Variants in PCDH7 observed in about 807,000 individuals in gnomAD.
The protein encoded by PCDH7 is protocadherin-7.
PCDH7 carries 17 observed loss-of-function variants against 58.9 expected under a neutral mutation model. The ratio of observed to expected loss-of-function variants is 0.29; its 90% CI spans 0.20 to 0.43. PCDH7 has a LOEUF of 0.43. Ranked by LOEUF, PCDH7 falls within the 20% of genes least tolerant of loss-of-function variation. PCDH7 has a pLI of 1.00. For missense variants in PCDH7, 1,274 were observed against 1,441.0 expected (o/e 0.88, Z 1.88); for synonymous variants, 664 against 616.4 (o/e 1.08, Z -1.14).
intron 3 of PCDH7, among the ~76,000 whole-genome samples, chr4:31,098,063 C>T (rs1441422414): frequency 6.6e-6 from 1 of 152,150 alleles, no homozygotes; most frequent in Non-Finnish European, 1.5e-5. Context: ...CCTTCGTATA[C>T]TTCTGTTTAG....
intron 3 of PCDH7, among the ~76,000 whole-genome samples, chr4:30,956,901 A>G (rs533225852): frequency 1.1e-4 from 16 of 152,206 alleles, no homozygotes; most frequent in South Asian, 2.1e-4. Context: ...AAAATTTTGT[A>G]TAGAAGAAAC....
At chr4:30,831,904 G>A (rs1729841353) in intron 1 of PCDH7, among the ~76,000 whole-genome samples, 1 of 151,976 alleles carries the variant, frequency 6.6e-6, no homozygotes, top group Non-Finnish European at 1.5e-5. Context: ...TATTAAAGTA[G>A]CATGAATGAT....
chr4:30,919,421 T>A (rs1742899471), intron 1 of PCDH7, among the ~76,000 whole-genome samples: 1 of 152,270 alleles, frequency 6.6e-6, no homozygotes, highest in South Asian at 2.1e-4. Context: ...TTCATAAAAT[T>A]TTTTAAAAAC....
At chr4:30,985,331 T>C (rs1214463000) in intron 3 of PCDH7, among the ~76,000 whole-genome samples, 5 of 152,202 alleles carry the variant, frequency 3.3e-5, no homozygotes. Context: ...ATTTATTAGA[T>C]TTATATTTTG....
At chr4:30,890,192 T>G (rs1224653941) in intron 1 of PCDH7, among the ~76,000 whole-genome samples, 1 of 152,106 alleles carries the variant, frequency 6.6e-6, no homozygotes, top group African/African-American at 2.4e-5. Context: ...TGACCAGTAT[T>G]TATAGGTATC....
intron 3 of PCDH7, among the ~76,000 whole-genome samples, chr4:31,084,143 C>G (rs974310031): frequency 6.6e-6 from 1 of 152,104 alleles, no homozygotes; most frequent in Non-Finnish European, 1.5e-5. Flanking sequence ...TCAGATGTAA[C>G]TATATTTAGA....
At chr4:30,762,513 C>G (rs1720159783) in intron 1 of PCDH7, among the ~76,000 whole-genome samples, 1 of 150,000 alleles carries the variant, frequency 6.7e-6, no homozygotes, top group African/African-American at 2.5e-5. Context: ...GATATGAAAT[C>G]TTCATTTATT....
chr4:30,773,447 A>G (rs1200378792), intron 1 of PCDH7, among the ~76,000 whole-genome samples: 1 of 152,012 alleles, frequency 6.6e-6, no homozygotes, highest in Admixed American at 6.6e-5. Flanking sequence ...TCATAATCAT[A>G]CATTGTGTTT....
At chr4:31,078,639 A>ATTTTTTTTTTTTTTT (rs10709152) in intron 3 of PCDH7, among the ~76,000 whole-genome samples, 1 of 73,564 alleles carries the variant, frequency 1.4e-5, no homozygotes, top group African/African-American at 5.2e-5. Context: ...ACCATGCCCC[A>ATTTTTTTTTTTTTTT]TTTTTTTTTT....
At chr4:31,118,994 A>C (rs1717329128) in intron 3 of PCDH7, among the ~76,000 whole-genome samples, 2 of 152,150 alleles carry the variant, frequency 1.3e-5, no homozygotes, top group Non-Finnish European at 2.9e-5. Flanking sequence ...ATAATGTAAA[A>C]TGTGCAAGTC....
In PCDH7 at chr4:30,745,042, T is replaced by C. The variant is rs566298051; in HGVS notation, c.70+20446T>C. ...GAACTTTTGCCATCATCGAGGAGAT[T>C]GAAAATAGAGGGACAGATGCTGTGA... On this transcript the variant is annotated intron_variant, in intron 1 of 3. Coordinates refer to the PCDH7 transcript ENST00000509759. 5.9e-5 allele frequency among the ~76,000 whole-genome samples: 9 copies of C among 152,260 alleles called. No homozygotes were observed. In the East Asian group the frequency reaches 1.5e-3, roughly 26 times the overall value.
intron 2 of PCDH7, among the ~76,000 whole-genome samples, chr4:30,940,059 C>A (rs773491617): frequency 6.6e-6 from 1 of 150,842 alleles, no homozygotes; most frequent in Admixed American, 6.6e-5. Context: ...TCAATGATTA[C>A]CCCAGATTGA....
chr4:31,127,145 G>C (rs1463257455), intron 3 of PCDH7, among the ~76,000 whole-genome samples: 1 of 152,146 alleles, frequency 6.6e-6, no homozygotes, highest in Non-Finnish European at 1.5e-5. Flanking sequence ...ACGAATAGTT[G>C]ATCATCACTG....
chr4:30,931,159 T>C (rs1379116385), intron 2 of PCDH7, among the ~76,000 whole-genome samples: 1 of 152,054 alleles, frequency 6.6e-6, no homozygotes, highest in Non-Finnish European at 1.5e-5. Context: ...TTACCACCCC[T>C]TTTCCCCACT....
At chr4:30,939,523 A>G (rs1745771040) in intron 2 of PCDH7, among the ~76,000 whole-genome samples, 1 of 152,174 alleles carries the variant, frequency 6.6e-6, no homozygotes, top group Admixed American at 6.6e-5. Context: ...ACGTTGAAAT[A>G]GTATTTATTT....
At chr4:30,911,414 C>T (rs1334470270) in intron 1 of PCDH7, among the ~76,000 whole-genome samples, 3 of 150,030 alleles carry the variant, frequency 2.0e-5, no homozygotes, top group Admixed American at 1.3e-4. Flanking sequence ...TTGGCAAAGC[C>T]GAGTAGCTGT....
chr4:31,085,021 A>C (rs960224013), intron 3 of PCDH7, among the ~76,000 whole-genome samples: 1 of 152,094 alleles, frequency 6.6e-6, no homozygotes, highest in African/African-American at 2.4e-5. Context: ...GAGAATTCCA[A>C]TAGAGAGAGT....
intron 1 of PCDH7, among the ~76,000 whole-genome samples, chr4:30,829,806 C>T (rs1049440517): frequency 2.6e-5 from 4 of 152,114 alleles, no homozygotes; most frequent in Non-Finnish European, 5.9e-5. Flanking sequence ...TCTTATTGCA[C>T]ACAGTTTGCT....
chr4:30,877,477 C>T (rs532518321), intron 1 of PCDH7, among the ~76,000 whole-genome samples: 243 of 152,234 alleles, frequency 1.6e-3, no homozygotes, highest in African/African-American at 5.6e-3. Flanking sequence ...GGCAACCGTG[C>T]TTTTGTGTAA....
Sources: gnomAD v4.1 joint callset for allele counts (sites outside exome capture counted in the v4.1 genomes callset) on GRCh38, gnomAD v4.1.1 for gene constraint, MANE v1.5 for transcripts, NCBI Gene and HGNC (gene_info 2026-07-23, HGNC 2026-07-21) for gene names.